Variants in IGSF11 observed in about 807,000 individuals in gnomAD.
IGSF11 encodes immunoglobulin superfamily member 11.
Under a neutral mutation model 41.0 loss-of-function variants are expected in IGSF11, and 22 were observed. The ratio of observed to expected loss-of-function variants is 0.54; its 90% confidence interval spans 0.38 to 0.77. The LOEUF (loss-of-function observed/expected upper bound fraction) is 0.77, where lower values mean the gene tolerates loss of function less well. Ranked by LOEUF, IGSF11 falls within the 30% of genes least tolerant of loss-of-function variation. The pLI, the probability that IGSF11 is intolerant of heterozygous loss-of-function variation, is 0.00. For missense variants in IGSF11, 444 were observed against 530.8 expected (o/e 0.84, Z 1.61); for synonymous variants, 219 against 201.3 (o/e 1.09, Z -0.74).
At chr3:119,053,808 T>A (rs1453060386) in intron 1 of IGSF11, among the ~76,000 whole-genome samples, 4 of 152,112 alleles carry the variant, frequency 2.6e-5, no homozygotes, top group African/African-American at 9.7e-5. Flanking sequence ...GGTACTGTTA[T>A]AAGTACAAGC....
chr3:118,946,191 T>TAC lies in IGSF11; in HGVS notation c.53-15918_53-15917dup, dbSNP rs1261368316. Among the ~76,000 whole-genome samples, 6 of 147,050 alleles carry TAC rather than the reference T, an allele frequency of 4.1e-5. No individual in the cohort carries two copies. In the East Asian group the frequency reaches 7.9e-4, roughly 19 times the overall value. On this transcript the variant is annotated intron_variant, in intron 1 of 6. Coordinates refer to ENST00000393775, the MANE Select transcript of IGSF11 (RefSeq NM_001015887.3). ...TATACGTACATTATTAACCATTGGC[T>TAC]ACACACACACACGCACACACACACA... is the stretch of plus-strand genomic sequence containing the variant.
At chr3:118,905,785 G>T in intron 4 of IGSF11, 67 bp from the exon 5 acceptor site, 1 of 1,572,978 alleles carries the variant, frequency 6.4e-7, no homozygotes, top group Middle Eastern at 1.7e-4. Context: ...GAAATCAGCG[G>T]AAGACCATAA....
Position 119,059,433 on chromosome 3 carries a change from C to CA in IGSF11, c.49+45710dup, listed in dbSNP as rs113245107. ...GGGGAAGGGTGGAGGGTGGTGATTA[C>CA]AAAAAAGTACACATTGGGTTCAGTG... On this transcript the variant is annotated intron_variant, in intron 1 of 6. Transcript: ENST00000354673. Among the ~76,000 whole-genome samples, 1,323 of 152,046 alleles carry CA rather than the reference C, an allele frequency of 8.7e-3. 25 individuals carry two copies. Among genetic ancestry groups the CA allele is most frequent in the African/African-American group, 0.03 (1,244 of 41,496 alleles).
intron 1 of IGSF11, among the ~76,000 whole-genome samples, chr3:118,976,413 T>C (rs941929821): frequency 4.6e-5 from 7 of 152,172 alleles, no homozygotes; most frequent in Admixed American, 6.5e-5. Flanking sequence ...ACCTTGTACA[T>C]AGGAAATCCC....
At chr3:119,017,684 G>C (rs909242172) in intron 1 of IGSF11, among the ~76,000 whole-genome samples, 7 of 151,140 alleles carry the variant, frequency 4.6e-5, no homozygotes, top group Non-Finnish European at 8.8e-5. Flanking sequence ...CACACTGAAA[G>C]ACTAGTTAGG....
intron 1 of IGSF11, among the ~76,000 whole-genome samples, chr3:119,119,622 C>T (rs1430339143): frequency 6.6e-6 from 1 of 152,210 alleles, no homozygotes; most frequent in Non-Finnish European, 1.5e-5. Context: ...GCATCTTTGA[C>T]TGCTTTTGGA....
chr3:118,929,408 T>G (rs1293958089), intron 2 of IGSF11, among the ~76,000 whole-genome samples: 1 of 152,178 alleles, frequency 6.6e-6, no homozygotes, highest in Admixed American at 6.5e-5. Flanking sequence ...CAAAAGAAGC[T>G]TCTATTTAAT....
chr3:118,922,167 T>A (rs940508189), intron 4 of IGSF11, among the ~76,000 whole-genome samples: 2 of 152,176 alleles, frequency 1.3e-5, no homozygotes, highest in African/African-American at 4.8e-5. Flanking sequence ...AGGGATGTTT[T>A]AGCAATAGAA....
At chr3:118,985,573 A>T (rs946366543) in intron 1 of IGSF11, among the ~76,000 whole-genome samples, 1 of 152,186 alleles carries the variant, frequency 6.6e-6, no homozygotes, top group East Asian at 1.9e-4. Flanking sequence ...ATTTGTCTGA[A>T]ACTGAATTGA....
At chr3:118,904,879 T>C in intron 5 of IGSF11, 81 bp from the exon 6 acceptor site, 2 of 1,132,662 alleles carry the variant, frequency 1.8e-6, no homozygotes, top group South Asian at 3.5e-5. Context: ...AATAAGCACA[T>C]AAGCTTACTA....
At chr3:119,039,361 C>T (rs1356061629), upstream of IGSF11, among the ~76,000 whole-genome samples, 1 of 152,132 alleles carries the variant, frequency 6.6e-6, no homozygotes, top group Non-Finnish European at 1.5e-5. Flanking sequence ...CTCATGGTCC[C>T]CTTCTTCTAT....
chr3:119,138,195 A>G (rs1268644041), intron 1 of IGSF11, among the ~76,000 whole-genome samples: 5 of 151,756 alleles, frequency 3.3e-5, no homozygotes, highest in Non-Finnish European at 7.4e-5. Flanking sequence ...GAGCTACCAT[A>G]TGATCCACAA....
intron 1 of IGSF11, among the ~76,000 whole-genome samples, chr3:119,049,667 C>G (rs897764007): frequency 5.3e-5 from 8 of 152,106 alleles, no homozygotes; most frequent in Admixed American, 1.3e-4. Context: ...TCATATGGAA[C>G]CTAAAAAGAG....
intron 1 of IGSF11, among the ~76,000 whole-genome samples, chr3:119,005,555 G>A (rs1401161579): frequency 7.5e-6 from 1 of 133,580 alleles, no homozygotes; most frequent in East Asian, 2.1e-4. Flanking sequence ...TTTCTTCCTA[G>A]TCTCGATGGT....
intron 1 of IGSF11, among the ~76,000 whole-genome samples, chr3:119,116,536 G>A (rs867518796): frequency 1.3e-5 from 2 of 152,052 alleles, no homozygotes; most frequent in Non-Finnish European, 2.9e-5. Flanking sequence ...CCCCCATCTT[G>A]CCTTTCCTTT....
At chr3:118,971,655 T>C (rs1305123290) in intron 1 of IGSF11, among the ~76,000 whole-genome samples, 2 of 151,840 alleles carry the variant, frequency 1.3e-5, no homozygotes, top group African/African-American at 2.4e-5. Flanking sequence ...ATACAAAAAA[T>C]TAGCCAGGCG....
At position 118,902,837 on chromosome 3, in the gene IGSF11, T is replaced by C; in HGVS notation, c.979A>G (p.Lys327Glu). The C allele has an allele frequency of 1.2e-6, 2 of 1,614,196 alleles. No homozygotes were observed. Among genetic ancestry groups the C allele is most frequent in the Non-Finnish European group, 1.7e-6 (2 of 1,180,022 alleles). ...YNSRYWSNNP[K>E]VHRNTESVSH... Reference sequence around the variant, plus strand: ...ACTGACTCTGTGTTTCTATGAACTTTTGGATTGTTGCTCCAGTATCGACTG... The same window carrying C: ...ACTGACTCTGTGTTTCTATGAACTTCTGGATTGTTGCTCCAGTATCGACTG... The change falls in exon 7 of 7, where the codon AAA becomes GAA. Residue 327 changes from lysine to glutamate, a missense_variant. Physicochemically the swap from Lys to Glu is moderately conservative, Grantham distance 56. Around this residue, in one of 3 missense-constraint regions of IGSF11, gnomAD observed 223 missense variants for 226.2 expected, o/e 0.99. Transcript: ENST00000393775.
At chr3:119,074,452 T>A (rs761931356) in intron 1 of IGSF11, among the ~76,000 whole-genome samples, 1 of 151,832 alleles carries the variant, frequency 6.6e-6, no homozygotes, top group African/African-American at 2.4e-5. Context: ...ATCAACAAAT[T>A]CTTTGAAAAT....
rs146251229 is a variant in IGSF11, at chr3:119,070,400, G to A, written c.49+34744C>T. Among the ~76,000 whole-genome samples the A allele has an allele frequency of 2.2e-3, 335 of 152,210 alleles. 3 individuals carry two copies. The highest frequency in any genetic ancestry group is 7.4e-3 in the African/African-American group (307 of 41,530). ...ATTGATATATATTTGAAATACATAA[G>A]GGAAGAATGTATAAAGTGATGGGAG... On this transcript the variant is annotated intron_variant, in intron 1 of 6. Transcript: ENST00000354673.
Sources: allele counts gnomAD v4.1 joint callset (sites outside exome capture counted in the v4.1 genomes callset), GRCh38; gene constraint gnomAD v4.1.1; regional missense constraint gnomAD v4.1.1; transcripts MANE v1.5; gene names NCBI Gene and HGNC (gene_info 2026-07-23, HGNC 2026-07-21).